Variants in PGM5 observed in about 807,000 individuals in gnomAD.
PGM5 encodes the protein phosphoglucomutase-like protein 5.
In PGM5, 23 loss-of-function variants were observed where a neutral mutation model predicts 59.2. That is an observed-to-expected ratio of 0.39 (90% CI 0.28 to 0.55). PGM5 has a LOEUF of 0.55. PGM5 is among the 20% of genes least tolerant of loss of function. The pLI is 0.66. For synonymous variants in PGM5, 214 were observed against 286.0 expected (o/e 0.75, Z 2.54); for missense variants, 574 against 748.3 (o/e 0.77, Z 2.72).
intron 7 of PGM5, among the ~76,000 whole-genome samples, chr9:68,475,794 G>A (rs117447085): frequency 0.019 from 2,898 of 152,264 alleles, 39 homozygotes; most frequent in Non-Finnish European, 0.031. Context: ...AATGAATTTT[G>A]TGCAATGATC....
rs1554675798 is a variant in PGM5 at position 68,357,219 on chromosome 9, C to A, written c.92C>A (p.Thr31Asn). The A allele has an allele frequency of 6.5e-7, 1 of 1,541,072 alleles. No homozygotes were observed. Among genetic ancestry groups the A allele is most frequent in the Non-Finnish European group, 8.7e-7 (1 of 1,145,970 alleles). ...PAGGGGLRRP[T>N]GLFEGQRNYL... ...GGCGGCGGGGGTCTGCGGCGACCCA[C>A]CGGCCTCTTCGAGGGCCAGCGCAAC... Residue 31 changes from threonine (T) to asparagine (N), a missense_variant, in exon 1 of 11, where the codon ACC (threonine) becomes AAC (asparagine). By Grantham distance (65) the Thr-to-Asn change is moderately conservative. Coordinates refer to ENST00000396396, the MANE Select transcript of PGM5 (RefSeq NM_021965.4).
chr9:68,482,890 G>A (rs182069192), intron 8 of PGM5, among the ~76,000 whole-genome samples: 1 of 152,326 alleles, frequency 6.6e-6, no homozygotes, highest in East Asian at 1.9e-4. Flanking sequence ...AATGCAATTG[G>A]TATTATTTTT....
At chr9:68,529,497 G>GA in intron 10 of PGM5, 70 bp from the exon 11 acceptor site, 2 of 1,067,816 alleles carry the variant, frequency 1.9e-6, no homozygotes, top group Non-Finnish European at 2.8e-6. Context: ...GCTTATGGTA[G>GA]AAATCCATCA....
At chr9:68,517,794 C>A (rs1824844420) in intron 10 of PGM5, among the ~76,000 whole-genome samples, 1 of 152,214 alleles carries the variant, frequency 6.6e-6, no homozygotes, top group Non-Finnish European at 1.5e-5. Flanking sequence ...AACTAACCTT[C>A]CCTCTGTAAA....
intron 6 of PGM5, among the ~76,000 whole-genome samples, chr9:68,416,674 G>T (rs1180921485): frequency 6.6e-6 from 1 of 152,206 alleles, no homozygotes; most frequent in Non-Finnish European, 1.5e-5. Context: ...AATTATTTGT[G>T]CCTCACTTAT....
intron 9 of PGM5, among the ~76,000 whole-genome samples, chr9:68,489,464 C>A (rs367829586): frequency 4.2e-5 from 6 of 141,740 alleles, no homozygotes; most frequent in Middle Eastern, 3.7e-3. Flanking sequence ...TTTTCTTTTT[C>A]TTTTCTTTTT....
At chr9:68,498,958 C>A (rs1320861900) in intron 9 of PGM5, 3 of 392,962 alleles carry the variant, frequency 7.6e-6, no homozygotes, top group Admixed American at 8.1e-5. Context: ...TATCACCAGC[C>A]CAAGAGAACT....
intron 10 of PGM5, among the ~76,000 whole-genome samples, chr9:68,504,016 C>T (rs1196333302): frequency 1.3e-5 from 2 of 152,212 alleles, no homozygotes; most frequent in African/African-American, 4.8e-5. Flanking sequence ...TACTGTGCTG[C>T]TGGTCCAGGA....
At chr9:68,360,298 T>C (rs1834551785) in intron 1 of PGM5, among the ~76,000 whole-genome samples, 1 of 151,484 alleles carries the variant, frequency 6.6e-6, no homozygotes, top group South Asian at 2.1e-4. Flanking sequence ...AAAAATTTTA[T>C]AAATTAAAAA....
chr9:68,424,027 C>A lies in PGM5; in HGVS notation c.1043+31554C>A, dbSNP rs140407896. ...GTAGACATAGTCTGTGGCCAATTTTCTTCTAACTTCATCTCAGAACTCCTC... is the reference window on the plus strand; with the variant it reads ...GTAGACATAGTCTGTGGCCAATTTTATTCTAACTTCATCTCAGAACTCCTC... On this transcript the variant is annotated intron_variant, in intron 6 of 10. Transcript: ENST00000396396. Among the ~76,000 whole-genome samples the A allele has an allele frequency of 7.2e-4, 109 of 152,270 alleles. 1 individual carries two copies. The East Asian group carries it at 0.019, about 27-fold the overall frequency.
At chr9:68,410,005 G>C (rs1822899147) in intron 6 of PGM5, among the ~76,000 whole-genome samples, 1 of 152,178 alleles carries the variant, frequency 6.6e-6, no homozygotes, top group African/African-American at 2.4e-5. Flanking sequence ...GATAGTGGCT[G>C]TTCTGCAAAG....
chr9:68,433,823 A>G (rs1462762723), intron 6 of PGM5, among the ~76,000 whole-genome samples: 1 of 152,238 alleles, frequency 6.6e-6, no homozygotes, highest in African/African-American at 2.4e-5. Flanking sequence ...GAGGTCAGGA[A>G]AGATGGTTTG....
chr9:68,438,722 T>C (rs1409640603), intron 6 of PGM5, among the ~76,000 whole-genome samples: 2 of 152,202 alleles, frequency 1.3e-5, no homozygotes, highest in Admixed American at 6.5e-5. Flanking sequence ...TCCAGTATTC[T>C]TCCACTTGAA....
At chr9:68,422,283 C>T (rs1305544169) in intron 6 of PGM5, among the ~76,000 whole-genome samples, 2 of 152,066 alleles carry the variant, frequency 1.3e-5, no homozygotes, top group African/African-American at 4.8e-5. Context: ...CTGGGAACTC[C>T]ATTTGCATAG....
chr9:68,394,532 C>T (rs1822449468), intron 6 of PGM5: 1 of 151,744 alleles, frequency 6.6e-6, no homozygotes, highest in African/African-American at 2.4e-5. Context: ...AAATGAGATA[C>T]TACATTGGGC....
At chr9:68,377,166 A>G (rs1222293123) in intron 1 of PGM5, among the ~76,000 whole-genome samples, 4 of 152,108 alleles carry the variant, frequency 2.6e-5, no homozygotes, top group Non-Finnish European at 5.9e-5. Flanking sequence ...ACCTCAAGTG[A>G]TCTGCCCACC....
At position 68,447,301 on chromosome 9, in the gene PGM5, T is replaced by C. The variant is rs376904054; in HGVS notation, c.1044-17792T>C. ...TGCACATCCTGACATTACTTGTACT[T>C]GCCTCCCTGTTGTGAATTATAATGA... On this transcript the variant is annotated intron_variant, in intron 6 of 10. Coordinates refer to ENST00000396396, the MANE Select transcript of PGM5 (RefSeq NM_021965.4). Among the ~76,000 whole-genome samples, 59 of 152,338 alleles carry C rather than the reference T, an allele frequency of 3.9e-4. 1 individual carries two copies. In the South Asian group the frequency reaches 7.9e-3, roughly 20 times the overall value.
At chr9:68,433,426 C>T (rs561834874) in intron 6 of PGM5, among the ~76,000 whole-genome samples, 20 of 152,256 alleles carry the variant, frequency 1.3e-4, no homozygotes, top group South Asian at 2.1e-4. Context: ...TTGTTGAGAG[C>T]GGAGCTAATT....
Position 68,427,633 on chromosome 9 carries a change from A to G in PGM5, c.1043+35160A>G, listed in dbSNP as rs148305514. 5.0e-3 allele frequency among the ~76,000 whole-genome samples: 760 copies of G among 152,298 alleles called. 7 individuals are homozygous for G. Among genetic ancestry groups the G allele is most frequent in the African/African-American group, 0.018 (740 of 41,554 alleles). ...TGTGTCTAAACATTATATGCTTTCCATTTGCCTATTGCTGGAAAATTTGAT... is the reference window on the plus strand; with the variant it reads ...TGTGTCTAAACATTATATGCTTTCCGTTTGCCTATTGCTGGAAAATTTGAT... On this transcript the variant is annotated intron_variant, in intron 6 of 10. Transcript: ENST00000396396.
Sources: gnomAD v4.1 joint callset for allele counts (sites outside exome capture counted in the v4.1 genomes callset) on GRCh38, gnomAD v4.1.1 for gene constraint, MANE v1.5 for transcripts, NCBI Gene and HGNC (gene_info 2026-07-23, HGNC 2026-07-21) for gene names.